Variants in ZBTB41 observed in about 807,000 individuals in gnomAD.
ZBTB41 encodes zinc finger and BTB domain containing 41, also known as zinc finger and BTB domain-containing protein 41.
A neutral mutation model predicts 87.6 loss-of-function variants in ZBTB41; 42 were observed. That is an observed-to-expected ratio of 0.48 (90% CI 0.37 to 0.62). The LOEUF (loss-of-function observed/expected upper bound fraction) is 0.62, where lower values mean the gene tolerates loss of function less well. ZBTB41 is among the 20% of genes least tolerant of loss of function. The pLI is 0.00. For missense variants in ZBTB41, 799 were observed against 1,078.9 expected (o/e 0.74, Z 3.63); for synonymous variants, 364 against 364.0 (o/e 1.00, Z 0.00).
chr1:197,192,912 A>G (rs1040665951), intron 2 of ZBTB41, among the ~76,000 whole-genome samples: 4 of 152,108 alleles, frequency 2.6e-5, no homozygotes, highest in African/African-American at 9.7e-5. Flanking sequence ...TGATTTTATT[A>G]AGCAAGTAAT....
intron 4 of ZBTB41, among the ~76,000 whole-genome samples, chr1:197,189,387 G>A (rs754853814): frequency 2.6e-5 from 4 of 151,916 alleles, no homozygotes; most frequent in Non-Finnish European, 5.9e-5. Flanking sequence ...TTAGTTGGGC[G>A]TGGTAGTGTG....
intron 7 of ZBTB41, among the ~76,000 whole-genome samples, chr1:197,176,950 G>T (rs368433770): frequency 6.6e-6 from 1 of 151,986 alleles, no homozygotes; most frequent in Admixed American, 6.6e-5. Flanking sequence ...CCTAAATCTA[G>T]TTCACTGAAT....
intron 10 of ZBTB41, among the ~76,000 whole-genome samples, chr1:197,161,727 G>A (rs1659204424): frequency 6.6e-6 from 1 of 151,952 alleles, no homozygotes; most frequent in South Asian, 2.1e-4. Flanking sequence ...AGATAATAAG[G>A]AAAAGCTCAG....
chr1:197,188,627 T>C (rs1659942552), intron 4 of ZBTB41, among the ~76,000 whole-genome samples, 188 bp from the exon 5 acceptor site: 1 of 152,206 alleles, frequency 6.6e-6, no homozygotes, highest in Non-Finnish European at 1.5e-5. Flanking sequence ...GGAATGATTT[T>C]AAATTAGTAC....
At chr1:197,198,193 T>C (rs1250436338) in intron 2 of ZBTB41, among the ~76,000 whole-genome samples, 3 of 152,210 alleles carry the variant, frequency 2.0e-5, no homozygotes, top group Non-Finnish European at 4.4e-5. Flanking sequence ...CTGAAGAAGT[T>C]ATTTTATTCA....
chr1:197,181,612 T>C (rs1160840044), intron 5 of ZBTB41, among the ~76,000 whole-genome samples: 4 of 152,150 alleles, frequency 2.6e-5, no homozygotes, highest in South Asian at 2.1e-4. Context: ...GACAGTGTTC[T>C]ACTGACTGAC....
chr1:197,173,443 C>T (rs1219146502), intron 9 of ZBTB41, among the ~76,000 whole-genome samples: 3 of 152,024 alleles, frequency 2.0e-5, no homozygotes, highest in Admixed American at 6.6e-5. Context: ...CTTGTTCTGT[C>T]ACCCAGACTA....
At chr1:197,177,011 T>C (rs1659624856) in intron 7 of ZBTB41, among the ~76,000 whole-genome samples, 1 of 152,074 alleles carries the variant, frequency 6.6e-6, no homozygotes, top group Non-Finnish European at 1.5e-5. Context: ...GACTCAAAAA[T>C]ATAAAAAGTA....
chr1:197,171,809 A>C (rs963614729), intron 10 of ZBTB41, among the ~76,000 whole-genome samples: 1 of 151,988 alleles, frequency 6.6e-6, no homozygotes, highest in Admixed American at 6.6e-5. Context: ...AAAGGAATTT[A>C]ATCTGAAGGC....
Position 197,196,427 on chromosome 1 carries a change from C to G in ZBTB41, c.1120+2927G>C, listed in dbSNP as rs887291048. ...TCTCTGCTTTACTCTCATTCTACATCCCACTCCCAACGCCACTCATCTTCC... is the reference window on the plus strand; with the variant it reads ...TCTCTGCTTTACTCTCATTCTACATGCCACTCCCAACGCCACTCATCTTCC... On this transcript the variant is annotated intron_variant, in intron 2 of 10. Transcript: ENST00000367405. 1.2e-4 allele frequency among the ~76,000 whole-genome samples: 18 copies of G among 152,130 alleles called. 1 individual carries two copies.
rs1306718158 is a variant in ZBTB41, at chr1:197,154,098, A to G, written c.*5261T>C. ...CATCAATTGTAATACAGTTTTATCA[A>G]TAGGGATAAGAAGAGTTCAATCGTT... On this transcript the variant is annotated 3_prime_UTR_variant, in exon 11 of 11. Transcript: ENST00000367405. 1 of 152,560 alleles carries G rather than the reference A, an allele frequency of 6.6e-6. No individual in the cohort carries two copies. Among genetic ancestry groups the G allele is most frequent in the Non-Finnish European group, 1.5e-5 (1 of 67,984 alleles). The allele number at this position is 152,560 out of a possible 1,614,324, so 9.5% of individuals were successfully genotyped here.
intron 10 of ZBTB41, among the ~76,000 whole-genome samples, chr1:197,167,774 A>C (rs938425447): frequency 1.3e-5 from 2 of 152,200 alleles, no homozygotes; most frequent in Non-Finnish European, 2.9e-5. Flanking sequence ...AAAACCTATA[A>C]AAAATATCAT....
At chr1:197,176,851 G>A (rs762872268) in intron 7 of ZBTB41, among the ~76,000 whole-genome samples, 181 bp from the exon 8 acceptor site, 12 of 151,972 alleles carry the variant, frequency 7.9e-5, no homozygotes, top group Non-Finnish European at 1.3e-4. Context: ...CTGACCCCAG[G>A]TCCCTACTCA....
At chr1:197,168,297 A>T (rs1659397568) in intron 10 of ZBTB41, among the ~76,000 whole-genome samples, 1 of 152,002 alleles carries the variant, frequency 6.6e-6, no homozygotes, top group Non-Finnish European at 1.5e-5. Flanking sequence ...ACGATGTTAT[A>T]AAAAAAATCA....
Position 197,154,246 on chromosome 1 carries a change from T to A in ZBTB41, c.*5113A>T, listed in dbSNP as rs1464062143. ...GTGTACATCCTCTTCATTCAATACA[T>A]CTTTTAGAATCTCCAACAGCAATGC... On this transcript the variant is annotated 3_prime_UTR_variant, in exon 11 of 11. Coordinates refer to ENST00000367405, the MANE Select transcript of ZBTB41 (RefSeq NM_194314.3). 1.3e-5 allele frequency: 2 copies of A among 152,562 alleles called. No homozygotes were observed. Among genetic ancestry groups the A allele is most frequent in the African/African-American group, 4.8e-5 (2 of 41,458 alleles). The allele number at this position is 152,562 out of a possible 1,614,324, so 9.5% of individuals were successfully genotyped here.
rs1465561822 is a variant in ZBTB41 at position 197,191,727 on chromosome 1, A to T, written c.1293T>A (p.His431Gln). 9 of 1,613,500 alleles carry T rather than the reference A, an allele frequency of 5.6e-6. No homozygotes were observed. Among genetic ancestry groups the T allele is most frequent in the Admixed American group, 1.7e-5 (1 of 59,984 alleles). ...GCTTGGCTAAAGTCTTCTTGCTTGC[A>T]TGAAGTTTATTACAATAAGGGCACT... ...EHKCPYCNKLHASKKTLAKHV... is the reference protein window; with the variant it reads ...EHKCPYCNKLQASKKTLAKHV... Residue 431 changes from histidine (H) to glutamine (Q), a missense_variant, in exon 3 of 11, where the codon CAT (histidine) becomes CAA (glutamine). By Grantham distance (24) the His-to-Gln change is conservative. This residue lies in a region of ZBTB41 where 294 missense variants were observed against 340.1 expected (regional missense o/e 0.86). Coordinates refer to ENST00000367405, the MANE Select transcript of ZBTB41 (RefSeq NM_194314.3).
chr1:197,160,360 C>T (rs1021475858), intron 10 of ZBTB41, among the ~76,000 whole-genome samples: 2 of 152,106 alleles, frequency 1.3e-5, no homozygotes, highest in Admixed American at 1.3e-4. Context: ...TAGGGCTTAG[C>T]ACTGCACCTA....
chr1:197,175,193 T>TAAGATCAC (rs1184120597), intron 8 of ZBTB41, 78 bp from the exon 9 acceptor site: 4 of 1,176,868 alleles, frequency 3.4e-6, no homozygotes, highest in Non-Finnish European at 4.8e-6. Context: ...TATCAAACAG[T>TAAGATCAC]AAGATCACAT....
intron 7 of ZBTB41, among the ~76,000 whole-genome samples, chr1:197,178,075 T>C (rs1300486703): frequency 1.3e-5 from 2 of 152,006 alleles, no homozygotes; most frequent in Non-Finnish European, 2.9e-5. Flanking sequence ...TTTGTCTTAC[T>C]TTCATATTAA....
Sources: allele counts gnomAD v4.1 joint callset (sites outside exome capture counted in the v4.1 genomes callset), GRCh38; gene constraint gnomAD v4.1.1; regional missense constraint gnomAD v4.1.1; transcripts MANE v1.5; gene names NCBI Gene and HGNC (gene_info 2026-07-23, HGNC 2026-07-21).